FER: variants seen among roughly 807,000 people sequenced by gnomAD.
FER encodes the protein tyrosine-protein kinase Fer.
Under a neutral mutation model 111.0 loss-of-function variants are expected in FER, and 63 were observed. The observed-to-expected ratio is 0.57, with a 90% CI of 0.46 to 0.70. The LOEUF is 0.70. Among genes scored for constraint, FER ranks in the 30% least tolerant of loss-of-function variants. The pLI is 0.00. For synonymous variants in FER, 327 were observed against 313.9 expected (o/e 1.04, Z -0.44); for missense variants, 914 against 954.0 (o/e 0.96, Z 0.55).
intron 17 of FER, among the ~76,000 whole-genome samples, chr5:109,163,922 T>C (rs1214829260): frequency 6.6e-6 from 1 of 152,218 alleles, no homozygotes; most frequent in East Asian, 1.9e-4. Context: ...GGTTTATTTG[T>C]CTATTCTATA....
intron 17 of FER, among the ~76,000 whole-genome samples, chr5:109,168,350 G>A (rs183176560): frequency 1.2e-3 from 181 of 152,168 alleles, no homozygotes; most frequent in African/African-American, 4.3e-3. Context: ...TTCAGGATGG[G>A]GCCTAGTCAC....
rs949104398 is a variant in FER, at chr5:108,867,903, G to A, written c.618G>A (p.Leu206=). 6.8e-6 allele frequency: 11 copies of A among 1,612,668 alleles called. No homozygotes were observed. Among genetic ancestry groups the A allele is most frequent in the African/African-American group, 5.3e-5 (4 of 74,808 alleles). Residue 206 remains leucine, a synonymous_variant, in exon 6 of 20, where the codon CTG becomes CTA. Coordinates refer to ENST00000281092, the MANE Select transcript of FER (RefSeq NM_005246.4). ...AGTATTATGATATCACACTTCCCCT[G>A]CTTCTGGACTCCTTACAAAAGATGC... is the stretch of plus-strand genomic sequence containing the variant. The part of the protein sequence containing the change: ...QNQYYDITLP[L]LLDSLQKMQE...
At chr5:108,901,234 CT>C (rs939731411) in intron 10 of FER, among the ~76,000 whole-genome samples, 1 of 151,838 alleles carries the variant, frequency 6.6e-6, no homozygotes, top group African/African-American at 2.4e-5. Context: ...AAATGAATTT[CT>C]TTCTTTTTTT....
intron 17 of FER, among the ~76,000 whole-genome samples, chr5:109,161,020 A>G (rs938248274): frequency 2.0e-5 from 3 of 152,128 alleles, no homozygotes; most frequent in Non-Finnish European, 4.4e-5. Context: ...AAGGTGCACT[A>G]AAAGCTTTTG....
intron 13 of FER, among the ~76,000 whole-genome samples, chr5:109,009,885 G>A (rs1262424740): frequency 6.6e-6 from 1 of 152,110 alleles, no homozygotes; most frequent in South Asian, 2.1e-4. Context: ...TGTTAAACAC[G>A]GGTAGTGTTT....
chr5:108,935,053 T>A (rs1468329946), intron 10 of FER, among the ~76,000 whole-genome samples: 10 of 152,136 alleles, frequency 6.6e-5, no homozygotes, highest in Non-Finnish European at 1.2e-4. Flanking sequence ...TTTTCTTTTC[T>A]TAGACATTTA....
intron 13 of FER, among the ~76,000 whole-genome samples, chr5:108,998,312 G>A (rs1340691389): frequency 2.0e-5 from 3 of 151,970 alleles, no homozygotes; most frequent in African/African-American, 7.2e-5. Flanking sequence ...TCTGCGGATT[G>A]TGAAGACTGG....
intron 2 of FER, chr5:108,782,546 G>C (rs1036797139): frequency 2.0e-5 from 3 of 152,096 alleles, no homozygotes; most frequent in African/African-American, 7.2e-5. Context: ...CCTAGCTTTA[G>C]ATCTGAAAGA....
intron 13 of FER, among the ~76,000 whole-genome samples, chr5:109,019,860 A>G (rs75064229): frequency 0.16 from 24,117 of 151,794 alleles, 2,486 homozygotes; most frequent in Middle Eastern, 0.29. Context: ...ATGTTTTACG[A>G]CTGATTTTAA....
intron 13 of FER, among the ~76,000 whole-genome samples, chr5:109,031,361 T>C (rs1461669630): frequency 6.6e-6 from 1 of 152,156 alleles, no homozygotes; most frequent in Non-Finnish European, 1.5e-5. Context: ...TATAATACTT[T>C]CCTGTGGAAA....
chr5:109,178,264 A>ACTC (rs1757920900), intron 17 of FER, among the ~76,000 whole-genome samples: 1 of 152,212 alleles, frequency 6.6e-6, no homozygotes, highest in Non-Finnish European at 1.5e-5. Context: ...AATGCAGCCC[A>ACTC]AAGGAAGTAG....
chr5:108,935,276 C>G (rs572314166), intron 10 of FER, among the ~76,000 whole-genome samples: 24 of 152,210 alleles, frequency 1.6e-4, no homozygotes, highest in African/African-American at 5.5e-4. Flanking sequence ...TTCCCTGCCT[C>G]TATCCTAGCT....
chr5:109,001,391 T>G (rs948131658), intron 13 of FER, among the ~76,000 whole-genome samples: 12 of 152,184 alleles, frequency 7.9e-5, no homozygotes, highest in African/African-American at 2.2e-4. Flanking sequence ...ACCACATGAT[T>G]ATCTCAATAG....
intron 17 of FER, among the ~76,000 whole-genome samples, chr5:109,172,476 G>T (rs1757224280): frequency 1.1e-5 from 1 of 90,716 alleles, no homozygotes; most frequent in African/African-American, 4.4e-5. Flanking sequence ...ACACTCTGGG[G>T]ACTGTTGTGG....
At chr5:109,163,213 C>T (rs956528634) in intron 17 of FER, among the ~76,000 whole-genome samples, 7 of 151,330 alleles carry the variant, frequency 4.6e-5, no homozygotes, top group Admixed American at 3.3e-4. Flanking sequence ...CATATTATTG[C>T]GTATGTTAGT....
intron 18 of FER, among the ~76,000 whole-genome samples, chr5:109,184,828 A>T (rs1433074146): frequency 6.6e-6 from 1 of 152,166 alleles, no homozygotes; most frequent in East Asian, 1.9e-4. Context: ...TAGCAGGCAT[A>T]CTCTGGTTTT....
chr5:108,752,215 C>T (rs1273295713), intron 1 of FER, among the ~76,000 whole-genome samples: 1 of 152,030 alleles, frequency 6.6e-6, no homozygotes, highest in Non-Finnish European at 1.5e-5. Context: ...TCCCTTCCCT[C>T]CCTTCCTCCT....
At position 109,096,927 on chromosome 5, in the gene FER, A is replaced by G. The variant is rs982638924; in HGVS notation, c.1925-3469A>G. On this transcript the variant is annotated intron_variant, in intron 16 of 19. Transcript: ENST00000281092. ...AAATAACAACAACAATAATAGTAAT[A>G]GTATAAATAGTAAATAGTATTTGTA... Among the ~76,000 whole-genome samples, 3 of 149,558 alleles carry G rather than the reference A, an allele frequency of 2.0e-5. No homozygotes were observed. In the Admixed American group the frequency reaches 2.0e-4, roughly 10 times the overall value.
chr5:109,119,383 G>T (rs1003235702), intron 17 of FER, among the ~76,000 whole-genome samples: 95 of 152,114 alleles, frequency 6.2e-4, no homozygotes, highest in African/African-American at 2.2e-3. Context: ...ACAGTTTGTT[G>T]TAATTTCTGT....
Sources: gnomAD v4.1 joint callset for allele counts (sites outside exome capture counted in the v4.1 genomes callset) on GRCh38, gnomAD v4.1.1 for gene constraint, MANE v1.5 for transcripts, NCBI Gene and HGNC (gene_info 2026-07-23, HGNC 2026-07-21) for gene names.